Variants in BMP1 observed in about 807,000 individuals in gnomAD.
BMP1 encodes bone morphogenetic protein 1, also known as mammalian tolloid protein.
Under a neutral mutation model 116.8 loss-of-function variants are expected in BMP1, and 63 were observed. The ratio of observed to expected loss-of-function variants is 0.54; its 90% CI spans 0.44 to 0.67. BMP1 has a LOEUF of 0.67. Among genes scored for constraint, BMP1 ranks in the 30% least tolerant of loss-of-function variants. BMP1 has a pLI of 0.00. For synonymous variants in BMP1, 536 were observed against 533.4 expected (o/e 1.00, Z -0.07); for missense variants, 1,183 against 1,358.9 (o/e 0.87, Z 2.04).
rs1369308808 is a variant in BMP1, at chr8:22,201,934, G to C, written c.2233+6G>C. The C allele has an allele frequency of 3.7e-6, 6 of 1,609,446 alleles. No homozygotes were observed. The highest frequency in any genetic ancestry group is 3.3e-5 in the Admixed American group (2 of 59,762). ...CAAGCACGACTGCAAAGAAGGTACG[G>C]GCTGCATGCCAGGGGCATCTGGGCT... is the stretch of plus-strand genomic sequence containing the variant. On this transcript the variant is annotated splice_donor_region_variant and intron_variant, in intron 16 of 19. Transcript: ENST00000306385.
At position 22,168,614 on chromosome 8, in the gene BMP1, C is replaced by T. The variant is rs73549577; in HGVS notation, c.148+3061C>T. Among the ~76,000 whole-genome samples, 656 of 152,288 alleles carry T rather than the reference C, an allele frequency of 4.3e-3. 3 individuals carry two copies. Among genetic ancestry groups the T allele is most frequent in the African/African-American group, 0.014 (602 of 41,570 alleles). On this transcript the variant is annotated intron_variant, in intron 1 of 19. Coordinates refer to ENST00000306385, the MANE Select transcript of BMP1 (RefSeq NM_006129.5). ...CTTACCAGCCCACATCCCCATCCCA[C>T]CCAGGGGGACGCCTGGCCAAGGTTT...
At chr8:22,181,502 T>G (rs936535809) in intron 8 of BMP1, among the ~76,000 whole-genome samples, 1 of 151,868 alleles carries the variant, frequency 6.6e-6, no homozygotes, top group African/African-American at 2.4e-5. Context: ...CCTAAGGTGA[T>G]GAGAGGCTCA....
chr8:22,202,054 A>G, intron 16 of BMP1, 126 bp downstream of exon 16: 1 of 1,345,368 alleles, frequency 7.4e-7, no homozygotes, highest in Non-Finnish European at 9.9e-7. Flanking sequence ...AGGCCCCCTC[A>G]TTCCCCCACC....
Position 22,172,029 on chromosome 8 carries a change from A to T in BMP1, c.149-1573A>T, listed in dbSNP as rs190420304. Reference sequence around the variant, plus strand: ...CCACCATATGTCTGTAGGAACACTAACCTTGGGTGTCTGATTCTGTATGTG... The same window carrying T: ...CCACCATATGTCTGTAGGAACACTATCCTTGGGTGTCTGATTCTGTATGTG... On this transcript the variant is annotated intron_variant, in intron 1 of 19. Transcript: ENST00000306385. Among the ~76,000 whole-genome samples the T allele has an allele frequency of 6.6e-5, 10 of 152,294 alleles. No individual in the cohort carries two copies. The East Asian group carries it at 1.9e-3, about 29-fold the overall frequency.
At chr8:22,173,823 GAGTT>G in intron 2 of BMP1, 108 bp downstream of exon 2, 1 of 776,640 alleles carries the variant, frequency 1.3e-6, no homozygotes, top group Non-Finnish European at 2.0e-6. Context: ...CAGAGGCCAT[GAGTT>G]TGACCCCAGC....
At chr8:22,185,982 C>A (rs1036915496) in intron 8 of BMP1, among the ~76,000 whole-genome samples, 2 of 151,898 alleles carry the variant, frequency 1.3e-5, no homozygotes, top group Non-Finnish European at 2.9e-5. Flanking sequence ...ATTACAGGCG[C>A]CTGCCACCAC....
At chr8:22,196,042 G>C in intron 13 of BMP1, 1 of 365,856 alleles carries the variant, frequency 2.7e-6, no homozygotes. Flanking sequence ...ATGTCACATT[G>C]CAACCCCGAG....
Position 22,192,213 on chromosome 8 carries a change from C to G in BMP1, c.1180+62C>G. On this transcript the variant is annotated intron_variant, in intron 9 of 19. Coordinates refer to ENST00000306385, the MANE Select transcript of BMP1 (RefSeq NM_006129.5). ...GATTCCCTCTCTGAGCCACCCTCAT[C>G]ACACTCTTCATCCCCCTCCAGGGCC... 3 of 1,425,682 alleles carry G rather than the reference C, an allele frequency of 2.1e-6. No homozygotes were observed. The South Asian group carries it at 3.5e-5, about 16-fold the overall frequency. The allele number at this position is 1,425,682 out of a possible 1,614,324, so 88.3% of individuals were successfully genotyped here. A position where few individuals can be genotyped will look rare whatever the true frequency, so the allele number is the denominator to read the frequency against.
In BMP1 at chr8:22,209,493, C is replaced by T. The variant is rs762615008; in HGVS notation, c.2624C>T (p.Ser875Phe). 1 of 1,614,238 alleles carries T rather than the reference C, an allele frequency of 6.2e-7. No homozygotes were observed. Among genetic ancestry groups the T allele is most frequent in the Non-Finnish European group, 8.5e-7 (1 of 1,180,044 alleles). ...RADVKTKDLY[S>F]HAQFGDNNYP... ...GACGTGAAGACCAAGGACCTTTACT[C>T]CCACGCCCAGTTTGGCGACAACAAC... Residue 875 changes from serine (S) to phenylalanine (F), a missense_variant, in exon 19 of 20, where the codon TCC becomes TTC. Around this residue, in one of 4 missense-constraint regions of BMP1, gnomAD observed 956 missense variants for 1,135.2 expected, o/e 0.84. Coordinates refer to ENST00000306385, the MANE Select transcript of BMP1 (RefSeq NM_006129.5).
At position 22,179,572 on chromosome 8, in the gene BMP1, C is replaced by T. The variant is rs995298897; in HGVS notation, c.837-133C>T. 4.0e-6 allele frequency: 6 copies of T among 1,508,780 alleles called. No homozygotes were observed. In the Admixed American group the frequency reaches 5.6e-5, roughly 14 times the overall value. 93.5% of individuals were successfully genotyped at this position (1,508,780 alleles called of 1,614,324 possible). A position where few individuals can be genotyped will look rare whatever the true frequency, so the allele number is the denominator to read the frequency against. ...ATAATGACAGGGTGAGACGACTCCA[C>T]CCGGCCCTGACCCTGCTGAGGAATG... On this transcript the variant is annotated intron_variant, in intron 6 of 19. Coordinates refer to ENST00000306385, the MANE Select transcript of BMP1 (RefSeq NM_006129.5). The surrounding 1 kb of genome is among the most constrained non-coding windows in gnomAD (Gnocchi z 4.6).
chr8:22,211,196 A>G (rs1412074280), intron 19 of BMP1, among the ~76,000 whole-genome samples: 1 of 152,188 alleles, frequency 6.6e-6, no homozygotes, highest in Admixed American at 6.5e-5. Flanking sequence ...ATGCCATTCA[A>G]AGAACTCCCT....
intron 8 of BMP1, among the ~76,000 whole-genome samples, chr8:22,190,354 T>C (rs1329831825): frequency 6.6e-6 from 1 of 152,166 alleles, no homozygotes; most frequent in Non-Finnish European, 1.5e-5. Flanking sequence ...AGAAAAAGGA[T>C]GGGCTGTGGA....
chr8:22,188,177 GTT>G lies in BMP1; in HGVS notation c.1078-3852_1078-3851del, dbSNP rs759296888. Among the ~76,000 whole-genome samples, 131 of 124,584 alleles carry G rather than the reference GTT, an allele frequency of 1.1e-3. 1 individual carries two copies. The highest frequency in any genetic ancestry group is 2.9e-3 in the African/African-American group (89 of 30,362). 81.7% of individuals were successfully genotyped at this position (124,584 alleles called of 152,430 possible). ...CCATTATGATCATTTCCAGTTTTGG[GTT>G]TTTTTTTTTTTTTTTTTTTCTGAGA... On this transcript the variant is annotated intron_variant, in intron 8 of 19. Coordinates refer to ENST00000306385, the MANE Select transcript of BMP1 (RefSeq NM_006129.5).
intron 15 of BMP1, chr8:22,199,032 G>A: frequency 7.4e-7 from 1 of 1,342,992 alleles, no homozygotes; most frequent in Non-Finnish European, 9.9e-7. Flanking sequence ...TCTTGGAGGG[G>A]GCAGGGGACC....
intron 18 of BMP1, among the ~76,000 whole-genome samples, chr8:22,208,060 T>A (rs143692894): frequency 0.022 from 3,294 of 151,898 alleles, 108 homozygotes; most frequent in African/African-American, 0.074. Context: ...ATTTTTGTAT[T>A]TTTAGTAGAG....
At position 22,204,366 on chromosome 8, in the gene BMP1, G is replaced by A. The variant is rs561601936; in HGVS notation, c.2233+2438G>A. ...TCCCCACCAGTCATAGTGCCTGGCC[G>A]CCTGTTTCCCCCAGTGAAAGCTGTC... On this transcript the variant is annotated intron_variant, in intron 16 of 19. Coordinates refer to ENST00000306385, the MANE Select transcript of BMP1 (RefSeq NM_006129.5). Among the ~76,000 whole-genome samples the A allele has an allele frequency of 9.2e-5, 14 of 152,232 alleles. No homozygotes were observed. In the South Asian group the frequency reaches 1.5e-3, roughly 16 times the overall value.
chr8:22,210,367 C>CTTCT (rs1554488514), intron 19 of BMP1, among the ~76,000 whole-genome samples: 24 of 118,412 alleles, frequency 2.0e-4, no homozygotes, highest in Admixed American at 7.6e-4. Flanking sequence ...GCCTCTTCTT[C>CTTCT]TTTTTTTTTT....
chr8:22,211,755 G>A lies in BMP1; in HGVS notation c.*27G>A. On this transcript the variant is annotated 3_prime_UTR_variant, in exon 20 of 20. Transcript: ENST00000306385. ...CACTGCCTGAGCAGGGGCGGGGACT[G>A]GAGCCTGCTGCCCTTGGTCGCCTAG... 1.2e-6 allele frequency: 2 copies of A among 1,613,940 alleles called. No individual in the cohort carries two copies. Among genetic ancestry groups the A allele is most frequent in the Non-Finnish European group, 1.7e-6 (2 of 1,179,934 alleles).
At chr8:22,177,312 C>T (rs1352225221) in intron 5 of BMP1, among the ~76,000 whole-genome samples, 173 bp downstream of exon 5, 1 of 152,230 alleles carries the variant, frequency 6.6e-6, no homozygotes, top group African/African-American at 2.4e-5. Flanking sequence ...TTTCCTCCTC[C>T]GTGTCAGATC....
Sources: allele counts gnomAD v4.1 joint callset (sites outside exome capture counted in the v4.1 genomes callset), GRCh38; gene constraint gnomAD v4.1.1; regional missense constraint gnomAD v4.1.1; non-coding constraint Gnocchi (gnomAD v3.1); transcripts MANE v1.5; gene names NCBI Gene and HGNC (gene_info 2026-07-23, HGNC 2026-07-21).